The following LPP variants were observed in gnomAD, a reference collection of about 807,000 sequenced individuals.
LPP encodes the protein LIM domain containing preferred translocation partner in lipoma.
A neutral mutation model predicts 60.4 loss-of-function variants in LPP; 38 were observed. The observed-to-expected ratio is 0.63, with a 90% confidence interval of 0.49 to 0.83. The LOEUF is 0.83. Ranked by LOEUF, LPP falls within the 40% of genes least tolerant of loss-of-function variation. LPP has a pLI of 0.00. For synonymous variants in LPP, 328 were observed against 290.8 expected (o/e 1.13, Z -1.30); for missense variants, 902 against 783.6 (o/e 1.15, Z -1.80).
At chr3:188,599,532 G>A (rs539609875) in intron 6 of LPP, among the ~76,000 whole-genome samples, 3 of 152,200 alleles carry the variant, frequency 2.0e-5, no homozygotes, top group Admixed American at 6.6e-5. Flanking sequence ...TATCATAAGT[G>A]TTGTGAGGAT....
At chr3:188,187,426 G>C (rs1241572284) in intron 1 of LPP, among the ~76,000 whole-genome samples, 1 of 151,626 alleles carries the variant, frequency 6.6e-6, no homozygotes, top group Non-Finnish European at 1.5e-5. Flanking sequence ...TCTACATTTT[G>C]TTTATTTTAT....
At chr3:188,251,371 A>G (rs756174610) in intron 2 of LPP, among the ~76,000 whole-genome samples, 106 of 152,092 alleles carry the variant, frequency 7.0e-4, no homozygotes, top group Non-Finnish European at 1.3e-3. Context: ...GAAGTCAAGC[A>G]TGTCTTCATT....
At chr3:188,319,519 A>G (rs750926815) in intron 2 of LPP, among the ~76,000 whole-genome samples, 1 of 152,240 alleles carries the variant, frequency 6.6e-6, no homozygotes, top group Non-Finnish European at 1.5e-5. Flanking sequence ...TTAATTTATG[A>G]TAACAGTAAG....
At chr3:188,691,212 G>T (rs1392242632) in intron 7 of LPP, among the ~76,000 whole-genome samples, 1 of 152,186 alleles carries the variant, frequency 6.6e-6, no homozygotes, top group Non-Finnish European at 1.5e-5. Context: ...ATAGCTAAAA[G>T]TTCGAAAGTA....
chr3:188,789,358 C>G (rs1037002508), intron 9 of LPP, among the ~76,000 whole-genome samples: 1 of 152,134 alleles, frequency 6.6e-6, no homozygotes, highest in African/African-American at 2.4e-5. Context: ...AACTGAAAAT[C>G]AGGAAAGCTG....
At chr3:188,508,838 T>A (rs1027689577) in intron 5 of LPP, among the ~76,000 whole-genome samples, 1 of 152,230 alleles carries the variant, frequency 6.6e-6, no homozygotes, top group Non-Finnish European at 1.5e-5. Context: ...ATTAAATTGT[T>A]CCAGTTATTG....
intron 2 of LPP, among the ~76,000 whole-genome samples, chr3:188,250,706 TTTC>T (rs1350142084): frequency 2.7e-5 from 4 of 150,942 alleles, no homozygotes; most frequent in South Asian, 2.1e-4. Context: ...TCTTTTCCTC[TTTC>T]TTTTCTTTCT....
At chr3:188,836,662 T>C (rs759877776) in intron 9 of LPP, among the ~76,000 whole-genome samples, 1 of 152,262 alleles carries the variant, frequency 6.6e-6, no homozygotes, top group Non-Finnish European at 1.5e-5. Context: ...TATAAGACGT[T>C]TAATTGGTAC....
intron 9 of LPP, among the ~76,000 whole-genome samples, chr3:188,827,052 G>T (rs1375660259): frequency 6.6e-6 from 1 of 152,114 alleles, no homozygotes; most frequent in African/African-American, 2.4e-5. Flanking sequence ...TTGACTGGGG[G>T]CTTTTAAAAA....
intron 2 of LPP, among the ~76,000 whole-genome samples, chr3:188,299,810 A>C (rs1400507622): frequency 6.6e-6 from 1 of 152,194 alleles, no homozygotes; most frequent in African/African-American, 2.4e-5. Flanking sequence ...ACAGTAGGGC[A>C]CCAGGAAGCC....
In LPP at chr3:188,283,742, A is replaced by G. The variant is rs1473253221; in HGVS notation, c.-66-57921A>G. 5.9e-5 allele frequency among the ~76,000 whole-genome samples: 9 copies of G among 151,924 alleles called. No homozygotes were observed. The East Asian group carries it at 1.7e-3, about 29-fold the overall frequency. ...GTTTTCAGATCTATAAAATGGAGAC[A>G]CTAATCATTATTAGGAAGGGTTGTC... On this transcript the variant is annotated intron_variant, in intron 2 of 11. Coordinates refer to ENST00000617246, the MANE Select transcript of LPP (RefSeq NM_001375462.1).
intron 6 of LPP, among the ~76,000 whole-genome samples, chr3:188,550,940 T>C (rs1462535088): frequency 1.3e-5 from 2 of 152,196 alleles, no homozygotes; most frequent in South Asian, 4.1e-4. Context: ...CCTTATGAAC[T>C]TCAGGGAGCT....
chr3:188,466,834 T>TATATATATATATAG (rs1553906195), intron 4 of LPP, among the ~76,000 whole-genome samples: 26 of 126,144 alleles, frequency 2.1e-4, no homozygotes, highest in Non-Finnish European at 3.6e-4. Flanking sequence ...TATATATATA[T>TATATATATATATAG]ATATATATGC....
chr3:188,184,740 A>T (rs1037329362), intron 1 of LPP, among the ~76,000 whole-genome samples: 39 of 148,480 alleles, frequency 2.6e-4, no homozygotes, highest in Non-Finnish European at 3.6e-4. Context: ...TACATTTTGT[A>T]ATTCAATAAG....
At chr3:188,382,673 G>A (rs527987805) in intron 3 of LPP, among the ~76,000 whole-genome samples, 58 of 152,234 alleles carry the variant, frequency 3.8e-4, no homozygotes, top group African/African-American at 1.3e-3. Flanking sequence ...CTAAGACAGT[G>A]CTATGTATAT....
At chr3:188,640,714 T>C (rs1040783580) in intron 7 of LPP, among the ~76,000 whole-genome samples, 2 of 152,004 alleles carry the variant, frequency 1.3e-5, no homozygotes, top group African/African-American at 4.8e-5. Flanking sequence ...ATAGCTCTTT[T>C]GGAATTTTTT....
At chr3:188,665,332 G>A (rs932076635) in intron 7 of LPP, among the ~76,000 whole-genome samples, 2 of 152,004 alleles carry the variant, frequency 1.3e-5, no homozygotes, top group Non-Finnish European at 2.9e-5. Context: ...TTAGGAAAAA[G>A]GAAAGAATGG....
intron 6 of LPP, among the ~76,000 whole-genome samples, chr3:188,571,597 G>GC (rs886078893): frequency 6.6e-6 from 1 of 151,934 alleles, no homozygotes; most frequent in African/African-American, 2.4e-5. Flanking sequence ...TAAGTCTTAT[G>GC]CCCCCACCAT....
chr3:188,268,695 C>T (rs1736513268), intron 2 of LPP, among the ~76,000 whole-genome samples: 1 of 152,208 alleles, frequency 6.6e-6, no homozygotes, highest in Non-Finnish European at 1.5e-5. Flanking sequence ...CGCCCAAGTT[C>T]ACAGTTAGGT....
Sources: allele counts gnomAD v4.1 joint callset (sites outside exome capture counted in the v4.1 genomes callset), GRCh38; gene constraint gnomAD v4.1.1; transcripts MANE v1.5; gene names NCBI Gene and HGNC (gene_info 2026-07-23, HGNC 2026-07-21).